The following THNSL1 variants were observed in gnomAD, a reference collection of about 807,000 sequenced individuals.
The protein encoded by THNSL1 is threonine synthase-like 1.
In THNSL1, 48 loss-of-function variants were observed where a neutral mutation model predicts 50.4. That is an observed-to-expected ratio of 0.95 (90% CI 0.76 to 1.21). The LOEUF (loss-of-function observed/expected upper bound fraction) is 1.21, where lower values mean the gene tolerates loss of function less well. Among genes scored for constraint, THNSL1 ranks in the 50% most tolerant of loss-of-function variants. The pLI, the probability that THNSL1 is intolerant of heterozygous loss-of-function variation, is 0.00. For synonymous variants in THNSL1, 309 were observed against 306.1 expected, an observed-to-expected ratio of 1.01 and a Z score of -0.10; for missense variants, 896 against 871.7, an observed-to-expected ratio of 1.03 and a Z score of -0.35.
chr10:25,021,182 G>A (rs1029389352), intron 1 of THNSL1, among the ~76,000 whole-genome samples: 1 of 152,148 alleles, frequency 6.6e-6, no homozygotes, highest in African/African-American at 2.4e-5. Context: ...CACTGTCAGT[G>A]AGTGACAATG....
rs576266756 is a variant in THNSL1, at chr10:25,021,759, G to A, written c.-198G>A. Reference sequence around the variant, plus strand: ...CATTATAGACTCCACGTTTTGCAAAGATCGGTTTTGCCTCAGAGTCAACAA... The same window carrying A: ...CATTATAGACTCCACGTTTTGCAAAAATCGGTTTTGCCTCAGAGTCAACAA... On this transcript the variant is annotated 5_prime_UTR_variant, in exon 2 of 3. Coordinates refer to ENST00000376356, the MANE Select transcript of THNSL1 (RefSeq NM_024838.5). 1 of 152,122 alleles carries A rather than the reference G, an allele frequency of 6.6e-6. No homozygotes were observed. The highest frequency in any genetic ancestry group is 6.6e-5 in the Admixed American group (1 of 15,260). The allele number at this position is 152,122 out of a possible 1,614,324, so 9.4% of individuals were successfully genotyped here.
upstream of THNSL1, chr10:25,016,113 A>G: frequency 1.6e-6 from 2 of 1,282,842 alleles, no homozygotes; most frequent in South Asian, 5.4e-5. Context: ...TCTCTCGGGA[A>G]GAAAACACCC....
At chr10:24,964,764 T>G in the THNSL1 span, among the ~76,000 whole-genome samples, 342 of 152,326 alleles carry the variant, frequency 2.2e-3, 3 homozygotes, top group African/African-American at 7.0e-3. Context: ...GACCTGCCTT[T>G]GACATAAAAC....
the THNSL1 span, among the ~76,000 whole-genome samples, chr10:24,954,487 T>C: frequency 2.6e-5 from 4 of 152,102 alleles, no homozygotes; most frequent in African/African-American, 9.7e-5. Flanking sequence ...TCAAAAAGCA[T>C]CAACTTTGGT....
At chr10:25,016,010 T>C, upstream of THNSL1, 6 of 1,542,982 alleles carry the variant, frequency 3.9e-6, no homozygotes, top group Non-Finnish European at 5.2e-6. Context: ...CGTCCCTTTC[T>C]TCACTGCTTC....
intron 1 of THNSL1, among the ~76,000 whole-genome samples, chr10:25,020,264 A>G (rs532437877): frequency 1.5e-5 from 2 of 137,440 alleles, no homozygotes; most frequent in East Asian, 5.3e-4. Context: ...ATCTATATCT[A>G]TATCTATATC....
chr10:24,968,986 C>T, the THNSL1 span, among the ~76,000 whole-genome samples: 6 of 152,142 alleles, frequency 3.9e-5, no homozygotes, highest in African/African-American at 7.2e-5. Flanking sequence ...CTCTGCCTCC[C>T]GGGTTCAAGT....
At chr10:24,991,259 GA>G in the THNSL1 span, among the ~76,000 whole-genome samples, 1 of 151,970 alleles carries the variant, frequency 6.6e-6, no homozygotes, top group South Asian at 2.1e-4. Context: ...AGATATTCAA[GA>G]GTTGGCTTTT....
the THNSL1 span, among the ~76,000 whole-genome samples, chr10:24,992,504 C>T: frequency 1.3e-5 from 2 of 152,140 alleles, no homozygotes; most frequent in African/African-American, 4.8e-5. Flanking sequence ...CTGAATTGCT[C>T]AGTGTCAGTG....
chr10:24,952,448 G>C, the THNSL1 span: 67 of 1,467,778 alleles, frequency 4.6e-5, 2 homozygotes, highest in East Asian at 1.5e-3. This position sits in a 1 kb window ranked among gnomAD's most constrained non-coding sequence, Gnocchi z 5.1. Context: ...CCCGACGCAC[G>C]GCAAGCATTT....
the THNSL1 span, among the ~76,000 whole-genome samples, chr10:24,960,842 G>A: frequency 6.6e-6 from 1 of 151,964 alleles, no homozygotes; most frequent in African/African-American, 2.4e-5. Context: ...CTCCCGCCTT[G>A]GCCTCCCAAA....
At position 25,021,804 on chromosome 10, in the gene THNSL1, G is replaced by T. The variant is rs1850724611; in HGVS notation, c.-153G>T. 6.6e-6 allele frequency: 1 copy of T among 152,136 alleles called. No individual in the cohort carries two copies. Among genetic ancestry groups the T allele is most frequent in the Admixed American group, 6.5e-5 (1 of 15,274 alleles). 9.4% of individuals were successfully genotyped at this position (152,136 alleles called of 1,614,324 possible). ...CAACAAACTCTTCAGATTGGTTCCG[G>T]TGTGTCCTATGTTTACAAGTCAGTG... On this transcript the variant is annotated 5_prime_UTR_variant, in exon 2 of 3. Transcript: ENST00000376356.
At chr10:24,972,011 T>C in the THNSL1 span, among the ~76,000 whole-genome samples, 3 of 151,510 alleles carry the variant, frequency 2.0e-5, no homozygotes, top group African/African-American at 4.9e-5. Context: ...GCCAACATGG[T>C]GAAACCCTGT....
Position 25,024,502 on chromosome 10 carries a change from A to G in THNSL1, c.1279A>G (p.Asn427Asp). 1.2e-6 allele frequency: 2 copies of G among 1,614,224 alleles called. No homozygotes were observed. Among genetic ancestry groups the G allele is most frequent in the Non-Finnish European group, 1.7e-6 (2 of 1,180,032 alleles). ...KAQIIGSQRE[N>D]GWAVGVESDF... Reference sequence around the variant, plus strand: ...ACAAATAATTGGCAGTCAGAGAGAAAATGGATGGGCAGTGGGTGTTGAGTC... The same window carrying G: ...ACAAATAATTGGCAGTCAGAGAGAAGATGGATGGGCAGTGGGTGTTGAGTC... The change falls in exon 3 of 3, where the codon AAT (asparagine) becomes GAT (aspartate). Residue 427 changes from asparagine to aspartate, a missense_variant. Coordinates refer to ENST00000376356, the MANE Select transcript of THNSL1 (RefSeq NM_024838.5).
chr10:24,997,807 T>TTATATATATATATA, the THNSL1 span, among the ~76,000 whole-genome samples: 8 of 144,890 alleles, frequency 5.5e-5, no homozygotes, highest in African/African-American at 2.1e-4. Flanking sequence ...CACAAAGGAT[T>TTATATATATATATA]TATATATATA....
chr10:24,986,963 C>T, the THNSL1 span, among the ~76,000 whole-genome samples: 1 of 152,134 alleles, frequency 6.6e-6, no homozygotes, highest in African/African-American at 2.4e-5. Flanking sequence ...GAGAAGTGAT[C>T]TTATAATAAG....
chr10:24,985,021 C>T, the THNSL1 span: 1 of 831,230 alleles, frequency 1.2e-6, no homozygotes. Context: ...ACAAAAATAA[C>T]TTCTAAAATG....
At chr10:24,952,765 T>G in the THNSL1 span, among the ~76,000 whole-genome samples, 1 of 151,436 alleles carries the variant, frequency 6.6e-6, no homozygotes, top group African/African-American at 2.4e-5. The surrounding 1 kb of genome is among the most constrained non-coding windows in gnomAD (Gnocchi z 5.1). Flanking sequence ...GCCCCGGCGC[T>G]GCGCCCCCTC....
chr10:24,978,249 G>T, the THNSL1 span, among the ~76,000 whole-genome samples: 1 of 151,490 alleles, frequency 6.6e-6, no homozygotes, highest in African/African-American at 2.4e-5. Flanking sequence ...CTTTGGCTTC[G>T]CTCCACAATT....
Sources: gnomAD v4.1 joint callset for allele counts (sites outside exome capture counted in the v4.1 genomes callset) on GRCh38, gnomAD v4.1.1 for gene constraint, Gnocchi (gnomAD v3.1) non-coding constraint, MANE v1.5 for transcripts, NCBI Gene and HGNC (gene_info 2026-07-23, HGNC 2026-07-21) for gene names.